Variants in SLF2 observed in about 807,000 individuals in gnomAD.
The protein encoded by SLF2 is SMC5-SMC6 complex localization factor protein 2.
In SLF2, 68 loss-of-function variants were observed where a neutral mutation model predicts 124.3. The ratio of observed to expected loss-of-function variants is 0.55; its 90% CI spans 0.45 to 0.67. The LOEUF is 0.67. SLF2 is among the 30% of genes least tolerant of loss of function. The pLI, the probability that SLF2 is intolerant of heterozygous loss-of-function variation, is 0.00. For synonymous variants in SLF2, 480 were observed against 478.8 expected, an observed-to-expected ratio of 1.00 and a Z score of -0.03; for missense variants, 1,246 against 1,373.7, an observed-to-expected ratio of 0.91 and a Z score of 1.47.
At chr10:100,918,251 A>G in intron 3 of SLF2, 133 bp from the exon 4 acceptor site, 1 of 488,214 alleles carries the variant, frequency 2.0e-6, no homozygotes, top group South Asian at 4.7e-5. Flanking sequence ...TATTATAGAC[A>G]TTAGGATTTA....
chr10:100,945,029 CAAAAAAAAGAAGATAA>C (rs1035448049), intron 12 of SLF2, among the ~76,000 whole-genome samples: 8 of 144,892 alleles, frequency 5.5e-5, no homozygotes, highest in Non-Finnish European at 1.1e-4. Flanking sequence ...GACTCCGTCT[CAAAAAAAAGAAGATAA>C]AAAAAAAAAG....
At chr10:100,949,686 C>T (rs1051388160) in intron 15 of SLF2, among the ~76,000 whole-genome samples, 11 of 151,984 alleles carry the variant, frequency 7.2e-5, no homozygotes, top group East Asian at 1.9e-4. Context: ...ACCTCCACCC[C>T]GCATATTCAA....
At chr10:100,927,080 TG>T (rs1849629273) in intron 6 of SLF2, among the ~76,000 whole-genome samples, 1 of 129,260 alleles carries the variant, frequency 7.7e-6, no homozygotes, top group South Asian at 2.5e-4. Context: ...GAATTTTTTG[TG>T]TTTTTTTAAT....
chr10:100,950,028 C>T (rs760092793), intron 15 of SLF2, 48 bp from the exon 16 acceptor site: 1 of 1,471,908 alleles, frequency 6.8e-7, no homozygotes, highest in Non-Finnish European at 9.1e-7. Flanking sequence ...TAAGAAAGAA[C>T]AACTATATTA....
chr10:100,924,536 C>G lies in SLF2; in HGVS notation c.1535C>G (p.Ser512Cys). 1 of 1,614,104 alleles carries G rather than the reference C, an allele frequency of 6.2e-7. No individual in the cohort carries two copies. The highest frequency in any genetic ancestry group is 8.5e-7 in the Non-Finnish European group (1 of 1,180,028). ...DKERSSSKEC[S>C]GHSTESTKHK... is the part of the protein sequence containing the mutation. ...GAGCGTTCCTCATCTAAAGAATGTT[C>G]TGGGCATTCTACAGAATCCACCAAA... The change falls in exon 5 of 20, where the codon TCT becomes TGT. Residue 512 changes from serine to cysteine, a missense_variant. Transcript: ENST00000238961.
In SLF2 at chr10:100,959,511, T is replaced by A; in HGVS notation, c.3486+15T>A. The A allele has an allele frequency of 6.2e-7, 1 of 1,613,080 alleles. No homozygotes were observed. Among genetic ancestry groups the A allele is most frequent in the Non-Finnish European group, 8.5e-7 (1 of 1,179,706 alleles). On this transcript the variant is annotated intron_variant, in intron 19 of 19. Transcript: ENST00000238961. ...GGCCTACTCAGGTGTCATTTTGTTA[T>A]ACAATTTCATGTATTCTTAATAGTT...
At chr10:100,926,381 A>G in intron 6 of SLF2, 1 of 1,110,308 alleles carries the variant, frequency 9.0e-7, no homozygotes, top group Non-Finnish European at 1.2e-6. Flanking sequence ...AAGCAGGCAA[A>G]TCTCTTGAGC....
chr10:100,958,491 G>A (rs1438755855), intron 18 of SLF2, among the ~76,000 whole-genome samples: 1 of 152,158 alleles, frequency 6.6e-6, no homozygotes, highest in Non-Finnish European at 1.5e-5. Context: ...TGCTAAAAGG[G>A]GACCACCCAA....
intron 4 of SLF2, among the ~76,000 whole-genome samples, chr10:100,918,824 A>G (rs1050173844): frequency 6.6e-6 from 1 of 152,116 alleles, no homozygotes; most frequent in African/African-American, 2.4e-5. Context: ...AGGTTTCGCC[A>G]CGTTGCCCAG....
chr10:100,912,963 A>G lies in SLF2; in HGVS notation c.-148A>G. ...GTTCCTTCCCGCTCACGCCGGAGTCACTTCCGAAGAGAGAACCGCCATGAA... is the reference window on the plus strand; with the variant it reads ...GTTCCTTCCCGCTCACGCCGGAGTCGCTTCCGAAGAGAGAACCGCCATGAA... On this transcript the variant is annotated 5_prime_UTR_variant, in exon 1 of 20. Coordinates refer to ENST00000238961, the MANE Select transcript of SLF2 (RefSeq NM_018121.4). 1.3e-6 allele frequency: 1 copy of G among 786,028 alleles called. No individual in the cohort carries two copies. The highest frequency in any genetic ancestry group is 1.8e-5 in the African/African-American group (1 of 55,774). The allele number at this position is 786,028 out of a possible 1,614,324, so 48.7% of individuals were successfully genotyped here.
In SLF2 at chr10:100,912,983, C is replaced by A. The variant is rs1459028167; in HGVS notation, c.-128C>A. ...GAGTCACTTCCGAAGAGAGAACCGC[C>A]ATGAAGAGAGAAGGGGGTGCCGCCC... On this transcript the variant is annotated 5_prime_UTR_variant, in exon 1 of 20. Transcript: ENST00000238961. The A allele has an allele frequency of 1.0e-5, 10 of 991,884 alleles. No individual in the cohort carries two copies. In the East Asian group the frequency reaches 2.4e-4, roughly 24 times the overall value. The allele number at this position is 991,884 out of a possible 1,614,324, so 61.4% of individuals were successfully genotyped here. A position where few individuals can be genotyped will look rare whatever the true frequency, so the allele number is the denominator to read the frequency against.
chr10:100,913,000 G>A lies in SLF2; in HGVS notation c.-111G>A. On this transcript the variant is annotated 5_prime_UTR_variant, in exon 1 of 20. In the 5' UTR this introduces an upstream ATG that the reference lacks. Transcript: ENST00000238961. ...AGAACCGCCATGAAGAGAGAAGGGG[G>A]TGCCGCCCACCTCTGCTCCGACAGC... The A allele has an allele frequency of 2.5e-6, 3 of 1,204,712 alleles. No individual in the cohort carries two copies. The highest frequency in any genetic ancestry group is 2.5e-5 in the East Asian group (1 of 40,448). The allele number at this position is 1,204,712 out of a possible 1,614,324, so 74.6% of individuals were successfully genotyped here. A position where few individuals can be genotyped will look rare whatever the true frequency, so the allele number is the denominator to read the frequency against.
At position 100,924,587 on chromosome 10, in the gene SLF2, A is replaced by G. The variant is rs1423108405; in HGVS notation, c.1586A>G (p.Asn529Ser). 1.9e-6 allele frequency: 3 copies of G among 1,614,120 alleles called. No individual in the cohort carries two copies. In the South Asian group the frequency reaches 3.3e-5, roughly 18 times the overall value. ...TKHKEHKAKT[N>S]KADSNVSSGK... The stretch of plus-strand genomic sequence containing the variant: ...CACAAGGAACACAAAGCAAAGACTA[A>G]TAAGGCCGATTCTAATGTATCTTCA... Residue 529 changes from asparagine (N) to serine (S), a missense_variant, in exon 5 of 20, where the codon AAT becomes AGT. Coordinates refer to ENST00000238961, the MANE Select transcript of SLF2 (RefSeq NM_018121.4).
intron 4 of SLF2, among the ~76,000 whole-genome samples, chr10:100,920,210 C>T (rs773814991): frequency 1.3e-5 from 2 of 152,170 alleles, no homozygotes; most frequent in Non-Finnish European, 2.9e-5. Flanking sequence ...TCACCTTGCA[C>T]CAAAGTTAAT....
Position 100,924,526 on chromosome 10 carries a change from A to G in SLF2, c.1525A>G (p.Lys509Glu), listed in dbSNP as rs1340733326. Residue 509 changes from lysine (K) to glutamate (E), a missense_variant, in exon 5 of 20, where the codon AAA becomes GAA. Lys to Glu is a moderately conservative substitution (Grantham distance 56). Transcript: ENST00000238961. ...AAAAGATAAAGAGCGTTCCTCATCT[A>G]AAGAATGTTCTGGGCATTCTACAGA... ...SKKDKERSSS[K>E]ECSGHSTEST... is the part of the protein sequence containing the mutation. 1 of 1,614,056 alleles carries G rather than the reference A, an allele frequency of 6.2e-7. No homozygotes were observed. Among genetic ancestry groups the G allele is most frequent in the Admixed American group, 1.7e-5 (1 of 60,016 alleles).
At chr10:100,929,750 T>C in intron 7 of SLF2, 80 bp from the exon 8 acceptor site, 1 of 1,155,126 alleles carries the variant, frequency 8.7e-7, no homozygotes, top group East Asian at 2.6e-5. Context: ...AAAAAATGGT[T>C]TTCTTTGCAC....
chr10:100,927,063 A>G (rs1849628691), intron 6 of SLF2, among the ~76,000 whole-genome samples: 1 of 143,880 alleles, frequency 7.0e-6, no homozygotes. Flanking sequence ...GATCGAAAGC[A>G]TGGGTAGAAT....
chr10:100,962,077 T>C lies in SLF2; in HGVS notation c.*165T>C. 1 of 577,188 alleles carries C rather than the reference T, an allele frequency of 1.7e-6. No individual in the cohort carries two copies. Among genetic ancestry groups the C allele is most frequent in the Non-Finnish European group, 2.9e-6 (1 of 340,786 alleles). The allele number at this position is 577,188 out of a possible 1,614,324, so 35.8% of individuals were successfully genotyped here. ...AGCTGGTAATGAAGAAATTGCCATT[T>C]CTGAAGCAGATATGAAATATGATCT... On this transcript the variant is annotated 3_prime_UTR_variant, in exon 20 of 20. Transcript: ENST00000238961.
intron 9 of SLF2, among the ~76,000 whole-genome samples, chr10:100,935,973 C>G (rs909989224): frequency 6.6e-6 from 1 of 150,752 alleles, no homozygotes; most frequent in African/African-American, 2.4e-5. Flanking sequence ...ATCCTCCCCC[C>G]TCAGCCCCCC....
Sources: gnomAD v4.1 joint callset for allele counts (sites outside exome capture counted in the v4.1 genomes callset) on GRCh38, gnomAD v4.1.1 for gene constraint, MANE v1.5 for transcripts, NCBI Gene and HGNC (gene_info 2026-07-23, HGNC 2026-07-21) for gene names.